The following NAALADL2 variants were observed in gnomAD, a reference collection of about 807,000 sequenced individuals.
NAALADL2 encodes the protein N-acetylated alpha-linked acidic dipeptidase like 2.
In NAALADL2, 76 loss-of-function variants were observed where a neutral mutation model predicts 87.2. The observed-to-expected ratio is 0.87, with a 90% CI of 0.72 to 1.05. NAALADL2 has a LOEUF of 1.05. Ranked by LOEUF, NAALADL2 falls within the 50% of genes least tolerant of loss-of-function variation. NAALADL2 has a pLI of 0.00. For missense variants in NAALADL2, 1,089 were observed against 945.8 expected, an observed-to-expected ratio of 1.15 and a Z score of -1.99; for synonymous variants, 354 against 331.0, an observed-to-expected ratio of 1.07 and a Z score of -0.75.
intron 10 of NAALADL2, among the ~76,000 whole-genome samples, chr3:175,607,895 T>C (rs1723988566): frequency 9.6e-6 from 1 of 104,346 alleles, no homozygotes; most frequent in African/African-American, 3.9e-5. Context: ...GCAGGTGACA[T>C]GGAACACACA....
chr3:175,142,028 T>A (rs904550471), intron 2 of NAALADL2, among the ~76,000 whole-genome samples: 1 of 152,052 alleles, frequency 6.6e-6, no homozygotes, highest in Non-Finnish European at 1.5e-5. Context: ...AGGATTAGTT[T>A]AGGAGTTCCA....
chr3:174,614,072 C>T (rs534745013), intron 2 of NAALADL2, among the ~76,000 whole-genome samples: 2 of 152,254 alleles, frequency 1.3e-5, no homozygotes, highest in Admixed American at 1.3e-4. Context: ...AGACAAAGTC[C>T]TCTTCACTTT....
At chr3:175,264,766 T>A (rs1751646741) in intron 4 of NAALADL2, among the ~76,000 whole-genome samples, 1 of 151,698 alleles carries the variant, frequency 6.6e-6, no homozygotes, top group Non-Finnish European at 1.5e-5. Flanking sequence ...TTTTTATGCA[T>A]ATACTTTTTA....
chr3:174,533,683 A>G (rs1049150388), intron 1 of NAALADL2, among the ~76,000 whole-genome samples: 3 of 152,030 alleles, frequency 2.0e-5, no homozygotes, highest in African/African-American at 7.2e-5. Context: ...TAGCGATTAC[A>G]GTGTATGTCA....
chr3:175,748,473 C>T (rs1225164224), intron 12 of NAALADL2, among the ~76,000 whole-genome samples: 1 of 152,166 alleles, frequency 6.6e-6, no homozygotes, highest in Non-Finnish European at 1.5e-5. Context: ...TTATGCAGAA[C>T]ATAAATCATA....
At chr3:175,608,469 A>G (rs554261750) in intron 10 of NAALADL2, among the ~76,000 whole-genome samples, 1 of 151,850 alleles carries the variant, frequency 6.6e-6, no homozygotes. Flanking sequence ...AATCCATTCT[A>G]TAAAGACACA....
chr3:175,337,405 T>C lies in NAALADL2; in HGVS notation c.1090+13080T>C, dbSNP rs568272420. Among the ~76,000 whole-genome samples the C allele has an allele frequency of 3.9e-5, 6 of 152,300 alleles. No individual in the cohort carries two copies. In the South Asian group the frequency reaches 6.2e-4, roughly 16 times the overall value. ...TCTAGCCCCTCAGAATAGGATTGTATTTGGAGATAGTCTTTTAAAAGCCAA... is the reference window on the plus strand; with the variant it reads ...TCTAGCCCCTCAGAATAGGATTGTACTTGGAGATAGTCTTTTAAAAGCCAA... On this transcript the variant is annotated intron_variant, in intron 5 of 13. Coordinates refer to ENST00000454872, the MANE Select transcript of NAALADL2 (RefSeq NM_207015.3).
intron 4 of NAALADL2, among the ~76,000 whole-genome samples, chr3:175,322,214 C>G (rs1196622584): frequency 6.6e-6 from 1 of 150,988 alleles, no homozygotes; most frequent in Non-Finnish European, 1.5e-5. Flanking sequence ...CTTTGACAAA[C>G]CTGAGAAAAG....
intron 2 of NAALADL2, among the ~76,000 whole-genome samples, chr3:174,572,927 T>C (rs1027776790): frequency 6.6e-6 from 1 of 152,162 alleles, no homozygotes; most frequent in Non-Finnish European, 1.5e-5. Context: ...ATGATCCTAA[T>C]TTCCCACATA....
At chr3:174,447,334 T>C (rs1239877505) in intron 1 of NAALADL2, among the ~76,000 whole-genome samples, 1 of 152,158 alleles carries the variant, frequency 6.6e-6, no homozygotes, top group East Asian at 1.9e-4. Context: ...AACAAGATGA[T>C]GCTTCTCTAA....
At chr3:174,564,485 T>A (rs1437125969) in intron 2 of NAALADL2, among the ~76,000 whole-genome samples, 2 of 152,110 alleles carry the variant, frequency 1.3e-5, no homozygotes, top group Non-Finnish European at 2.9e-5. Context: ...CTCTAATTAG[T>A]GATTGTATGG....
At chr3:174,858,141 TATA>T (rs1441627164), upstream of NAALADL2, among the ~76,000 whole-genome samples, 37 of 148,104 alleles carry the variant, frequency 2.5e-4, no homozygotes, top group African/African-American at 5.9e-4. Flanking sequence ...TATATTTGAA[TATA>T]ATAATATGTA....
chr3:174,487,589 G>A (rs984543104), intron 1 of NAALADL2, among the ~76,000 whole-genome samples: 4 of 151,960 alleles, frequency 2.6e-5, no homozygotes, highest in African/African-American at 9.7e-5. Flanking sequence ...TGGAAGAAGT[G>A]GCATTTGATA....
chr3:174,534,327 G>A (rs1721520818), intron 1 of NAALADL2, among the ~76,000 whole-genome samples: 3 of 152,114 alleles, frequency 2.0e-5, no homozygotes, highest in Admixed American at 6.5e-5. Flanking sequence ...TTAGTCTTGG[G>A]ATCTAGTCCA....
intron 9 of NAALADL2, among the ~76,000 whole-genome samples, chr3:175,573,337 A>AT (rs1718368753): frequency 6.6e-6 from 1 of 152,220 alleles, no homozygotes; most frequent in Non-Finnish European, 1.5e-5. Flanking sequence ...TTTAAAAATG[A>AT]TTTTTACTTT....
At chr3:174,746,584 T>C (rs1456846566) in intron 3 of NAALADL2, among the ~76,000 whole-genome samples, 1 of 152,014 alleles carries the variant, frequency 6.6e-6, no homozygotes, top group Non-Finnish European at 1.5e-5. Flanking sequence ...AAAAAAGCTT[T>C]AAAATTTATA....
intron 3 of NAALADL2, among the ~76,000 whole-genome samples, chr3:174,775,452 C>T (rs1410742824): frequency 1.3e-5 from 2 of 152,086 alleles, no homozygotes; most frequent in Non-Finnish European, 2.9e-5. Context: ...AAGTTTCATC[C>T]ATGATATAGC....
At position 174,815,513 on chromosome 3, in the gene NAALADL2, C is replaced by T. The variant is rs114742788; in HGVS notation, c.-9+77767C>T. 5.5e-3 allele frequency among the ~76,000 whole-genome samples: 838 copies of T among 152,284 alleles called. 9 individuals carry two copies. Among genetic ancestry groups the T allele is most frequent in the African/African-American group, 0.019 (789 of 41,548 alleles). Reference sequence around the variant, plus strand: ...AATCTTAGCTCACTCACTGAAGCCTCGAACTGCTGTGTTTAAGTGATCCTG... The same window carrying T: ...AATCTTAGCTCACTCACTGAAGCCTTGAACTGCTGTGTTTAAGTGATCCTG... On this transcript the variant is annotated intron_variant, in intron 3 of 3. Coordinates refer to the NAALADL2 transcript ENST00000434257.
At chr3:175,624,747 A>C (rs1474801463) in intron 10 of NAALADL2, among the ~76,000 whole-genome samples, 1 of 152,084 alleles carries the variant, frequency 6.6e-6, no homozygotes, top group Non-Finnish European at 1.5e-5. Context: ...TACTGCATCA[A>C]ATGGATGTAT....
Sources: gnomAD v4.1 joint callset for allele counts (sites outside exome capture counted in the v4.1 genomes callset) on GRCh38, gnomAD v4.1.1 for gene constraint, MANE v1.5 for transcripts, NCBI Gene and HGNC (gene_info 2026-07-23, HGNC 2026-07-21) for gene names.